The following CCR3 variants were observed in gnomAD, a reference collection of about 807,000 sequenced individuals.
CCR3 encodes C-C motif chemokine receptor 3.
For missense variants in CCR3, 419 were observed against 437.5 expected (o/e 0.96, Z 0.38); for synonymous variants, 203 against 179.2 (o/e 1.13, Z -1.06).
intron 2 of CCR3, among the ~76,000 whole-genome samples, chr3:46,212,116 A>C (rs35429781): frequency 0.069 from 10,439 of 152,162 alleles, 586 homozygotes; most frequent in South Asian, 0.27. Flanking sequence ...TTCGTGATAC[A>C]ACCTCAACAT....
At chr3:46,260,225 G>A (rs1459226686) in intron 1 of CCR3, among the ~76,000 whole-genome samples, 1 of 152,098 alleles carries the variant, frequency 6.6e-6, no homozygotes, top group African/African-American at 2.4e-5. Context: ...ATGAGATTTG[G>A]GTGGGGACAC....
At chr3:46,233,636 C>T (rs1575491921) in intron 2 of CCR3, among the ~76,000 whole-genome samples, 2 of 152,140 alleles carry the variant, frequency 1.3e-5, no homozygotes, top group South Asian at 4.1e-4. Context: ...TTCCCACACA[C>T]CTCTGTTTTT....
intron 1 of CCR3, chr3:46,264,293 C>T: frequency 3.4e-6 from 3 of 876,388 alleles, no homozygotes; most frequent in Non-Finnish European, 5.4e-6. Context: ...AGGAAAGTAA[C>T]CTAAACTAAT....
At chr3:46,212,488 A>C (rs34376347) in intron 2 of CCR3, among the ~76,000 whole-genome samples, 28,098 of 127,046 alleles carry the variant, frequency 0.22, 4,352 homozygotes, top group African/African-American at 0.46. Context: ...CCCCCCTACC[A>C]CACTCCTCTT....
chr3:46,260,021 G>C (rs1476045669), intron 1 of CCR3, among the ~76,000 whole-genome samples: 4 of 152,248 alleles, frequency 2.6e-5, no homozygotes, highest in Non-Finnish European at 4.4e-5. Flanking sequence ...GAAGGTGAAA[G>C]GCACATCTCA....
At chr3:46,234,721 T>G (rs1177961830) in intron 2 of CCR3, among the ~76,000 whole-genome samples, 1 of 152,250 alleles carries the variant, frequency 6.6e-6, no homozygotes, top group African/African-American at 2.4e-5. Flanking sequence ...TTCCTGTCGA[T>G]AATTTATCCC....
intron 2 of CCR3, among the ~76,000 whole-genome samples, chr3:46,225,161 G>T (rs1262966256): frequency 6.6e-6 from 1 of 152,098 alleles, no homozygotes; most frequent in Non-Finnish European, 1.5e-5. Context: ...TTCAATAATG[G>T]TCAAAACTGA....
At chr3:46,211,877 C>T (rs1699719178) in intron 2 of CCR3, among the ~76,000 whole-genome samples, 1 of 152,138 alleles carries the variant, frequency 6.6e-6, no homozygotes, top group Non-Finnish European at 1.5e-5. Flanking sequence ...ACTATAGCCT[C>T]TCGATGTGGT....
chr3:46,246,791 A>C (rs1700199093), intron 1 of CCR3, among the ~76,000 whole-genome samples: 1 of 152,012 alleles, frequency 6.6e-6, no homozygotes, highest in African/African-American at 2.4e-5. Flanking sequence ...GGGTGGCGAA[A>C]ATTTTTGGAG....
intron 1 of CCR3, 80 bp from the exon 2 acceptor site, chr3:46,265,068 C>A: frequency 1.1e-6 from 1 of 906,594 alleles, no homozygotes; most frequent in South Asian, 1.7e-5. Context: ...TTGTTGAGTA[C>A]ATGAATAAAT....
At chr3:46,239,732 C>A (rs535596199), upstream of CCR3, among the ~76,000 whole-genome samples, 1 of 152,286 alleles carries the variant, frequency 6.6e-6, no homozygotes, top group Non-Finnish European at 1.5e-5. Context: ...TGGTCTACTG[C>A]GTAGTCCCAG....
At chr3:46,223,283 T>G (rs1018433674) in intron 2 of CCR3, among the ~76,000 whole-genome samples, 4 of 152,212 alleles carry the variant, frequency 2.6e-5, no homozygotes, top group Non-Finnish European at 1.5e-5. Context: ...GAGGTTGCAG[T>G]GAGCCGAGAT....
At chr3:46,228,860 C>T (rs549098717) in intron 2 of CCR3, among the ~76,000 whole-genome samples, 1 of 152,312 alleles carries the variant, frequency 6.6e-6, no homozygotes, top group South Asian at 2.1e-4. Context: ...GATAGTTATT[C>T]TTTTCATCTG....
intron 1 of CCR3, among the ~76,000 whole-genome samples, chr3:46,252,684 G>T (rs1700339212): frequency 6.6e-6 from 1 of 152,118 alleles, no homozygotes; most frequent in South Asian, 2.1e-4. Context: ...GTAATTGGAT[G>T]GAAACAAGAA....
chr3:46,254,692 C>T (rs1700382717), intron 1 of CCR3, among the ~76,000 whole-genome samples: 1 of 152,186 alleles, frequency 6.6e-6, no homozygotes, highest in African/African-American at 2.4e-5. Context: ...TATGCCTTTG[C>T]ATCCTCACAT....
At position 46,249,189 on chromosome 3, in the gene CCR3, G is replaced by A. The variant is rs1028425405; in HGVS notation, c.-12+6651G>A. 1.4e-4 allele frequency among the ~76,000 whole-genome samples: 21 copies of A among 152,184 alleles called. 1 individual carries two copies. The Middle Eastern group carries it at 0.01, about 74-fold the overall frequency. On this transcript the variant is annotated intron_variant, in intron 1 of 1. Coordinates refer to ENST00000395940, the MANE Select transcript of CCR3 (RefSeq NM_178329.3). ...GAATACAAGAAGAGGACGCAAAGGA[G>A]GCTTTGGATTGGGAAGAAGGGCAGC...
chr3:46,264,907 C>G (rs1221887940), intron 1 of CCR3, among the ~76,000 whole-genome samples: 2 of 152,144 alleles, frequency 1.3e-5, no homozygotes, highest in Non-Finnish European at 2.9e-5. Flanking sequence ...CACCACCACC[C>G]CACAACATTT....
chr3:46,266,567 CT>C lies in CCR3; in HGVS notation c.*343del. 1 of 216,084 alleles carries C rather than the reference CT, an allele frequency of 4.6e-6. No individual in the cohort carries two copies. Among genetic ancestry groups the C allele is most frequent in the Non-Finnish European group, 9.9e-6 (1 of 101,472 alleles). The allele number at this position is 216,084 out of a possible 1,614,324, so 13.4% of individuals were successfully genotyped here. On this transcript the variant is annotated 3_prime_UTR_variant, in exon 2 of 2. Coordinates refer to ENST00000395940, the MANE Select transcript of CCR3 (RefSeq NM_178329.3). Reference sequence around the variant, plus strand: ...AAACTTTTTATATTTTATACATTAACTTCAGCCAGCTATTGATATAAATAAA... The same window carrying C: ...AAACTTTTTATATTTTATACATTAACTCAGCCAGCTATTGATATAAATAAA...
At chr3:46,264,228 G>A (rs1700576796) in intron 1 of CCR3, 4 of 591,046 alleles carry the variant, frequency 6.8e-6, no homozygotes, top group Non-Finnish European at 1.2e-5. Flanking sequence ...AAGCTCCCAG[G>A]GGTTTGCTTT....
Sources: allele counts gnomAD v4.1 joint callset (sites outside exome capture counted in the v4.1 genomes callset), GRCh38; gene constraint gnomAD v4.1.1; transcripts MANE v1.5; gene names NCBI Gene and HGNC (gene_info 2026-07-23, HGNC 2026-07-21).